The following LRRC7 variants were observed in gnomAD, a reference collection of about 807,000 sequenced individuals.
The protein encoded by LRRC7 is leucine rich repeat containing 7.
In LRRC7, 23 loss-of-function variants were observed where a neutral mutation model predicts 175.7. The observed-to-expected ratio is 0.13, with a 90% CI of 0.09 to 0.19. The LOEUF is 0.19. Among genes scored for constraint, LRRC7 ranks in the 10% least tolerant of loss-of-function variants. LRRC7 has a pLI of 1.00. For missense variants in LRRC7, 1,354 were observed against 1,904.7 expected, an observed-to-expected ratio of 0.71 and a Z score of 5.38; for synonymous variants, 685 against 680.9, an observed-to-expected ratio of 1.01 and a Z score of -0.09.
intron 3 of LRRC7, among the ~76,000 whole-genome samples, chr1:69,772,136 A>G (rs933194428): frequency 6.6e-6 from 1 of 152,136 alleles, no homozygotes; most frequent in African/African-American, 2.4e-5. Flanking sequence ...TAAATAAATA[A>G]GAAAAAAGAA....
At chr1:70,022,986 G>A in intron 16 of LRRC7, 140 bp from the exon 17 acceptor site, 1 of 1,067,394 alleles carries the variant, frequency 9.4e-7, no homozygotes, top group South Asian at 2.7e-5. Context: ...TTTATACATG[G>A]ATTTAAAACT....
intron 1 of LRRC7, among the ~76,000 whole-genome samples, chr1:69,644,774 TA>T (rs1021638452): frequency 1.5e-4 from 23 of 151,560 alleles, no homozygotes; most frequent in East Asian, 5.8e-4. Context: ...TACCAATATA[TA>T]AAAAAAATGC....
chr1:69,893,432 A>G (rs1049027238), intron 7 of LRRC7, among the ~76,000 whole-genome samples: 2 of 152,228 alleles, frequency 1.3e-5, no homozygotes, highest in Non-Finnish European at 2.9e-5. Flanking sequence ...TTTCCCATTC[A>G]ACTAATAAGA....
rs1269408830 is a variant in LRRC7, at chr1:69,923,743, T to G, written c.648-7764T>G. 1.4e-4 allele frequency among the ~76,000 whole-genome samples: 22 copies of G among 152,138 alleles called. 1 individual carries two copies. The highest frequency in any genetic ancestry group is 5.3e-4 in the African/African-American group (22 of 41,496). On this transcript the variant is annotated intron_variant, in intron 7 of 26. Coordinates refer to ENST00000651989, the MANE Select transcript of LRRC7 (RefSeq NM_001370785.2). ...GTAGGTTGCGAAAATTTTCTCCCAT[T>G]TTGTGGGTTGCCTGTTCACTCTGAT...
intron 7 of LRRC7, among the ~76,000 whole-genome samples, chr1:69,882,050 CA>C (rs1686671336): frequency 7.1e-6 from 1 of 140,408 alleles, no homozygotes; most frequent in Non-Finnish European, 1.5e-5. Context: ...ACCCAGTTTA[CA>C]AAATGGAATC....
intron 2 of LRRC7, among the ~76,000 whole-genome samples, chr1:69,752,251 G>T: frequency 6.6e-6 from 1 of 152,064 alleles, no homozygotes; most frequent in African/African-American, 2.4e-5. Flanking sequence ...TATCCCTGTG[G>T]CACACTTAAT....
chr1:69,778,615 G>T (rs1455954041), intron 3 of LRRC7, among the ~76,000 whole-genome samples: 4 of 152,084 alleles, frequency 2.6e-5, no homozygotes, highest in Admixed American at 2.0e-4. Context: ...TGGGTTTTTA[G>T]ATTAGAAATG....
At chr1:69,885,166 G>C (rs565311598) in intron 7 of LRRC7, among the ~76,000 whole-genome samples, 3 of 107,210 alleles carry the variant, frequency 2.8e-5, no homozygotes, top group South Asian at 6.1e-4. Flanking sequence ...TTTTTCTATT[G>C]ATTGGAATAG....
chr1:69,709,148 C>T (rs1218970566), intron 2 of LRRC7, among the ~76,000 whole-genome samples: 1 of 152,148 alleles, frequency 6.6e-6, no homozygotes, highest in Non-Finnish European at 1.5e-5. Flanking sequence ...AAAGAATAGA[C>T]TATGCAGTGG....
chr1:69,972,799 T>C (rs1483285299), intron 8 of LRRC7, among the ~76,000 whole-genome samples: 1 of 151,780 alleles, frequency 6.6e-6, no homozygotes, highest in Non-Finnish European at 1.5e-5. Context: ...AGTCATTATA[T>C]GAAAAAGATA....
chr1:69,716,727 T>C (rs1665392105), intron 2 of LRRC7, among the ~76,000 whole-genome samples: 1 of 151,898 alleles, frequency 6.6e-6, no homozygotes, highest in African/African-American at 2.4e-5. Context: ...TTTGCATTTA[T>C]CAGTATTTCC....
chr1:69,994,780 A>G (rs1442662694), intron 11 of LRRC7, 147 bp downstream of exon 11: 2 of 508,792 alleles, frequency 3.9e-6, no homozygotes, highest in Non-Finnish European at 3.4e-6. Context: ...TTTTATTTAT[A>G]TATATTTGTG....
intron 2 of LRRC7, among the ~76,000 whole-genome samples, chr1:69,679,597 G>T (rs1660217728): frequency 1.3e-5 from 2 of 152,014 alleles, no homozygotes; most frequent in Admixed American, 1.3e-4. Context: ...TGAAACTAAA[G>T]ATAGAGTTCA....
chr1:69,705,014 A>G (rs1234949901), intron 2 of LRRC7, among the ~76,000 whole-genome samples: 2 of 152,082 alleles, frequency 1.3e-5, no homozygotes, highest in Admixed American at 1.3e-4. Context: ...CCATTTATAG[A>G]TTTGTTCCTA....
chr1:69,825,538 T>A (rs1026839558), intron 4 of LRRC7, among the ~76,000 whole-genome samples: 1 of 151,972 alleles, frequency 6.6e-6, no homozygotes, highest in African/African-American at 2.4e-5. Context: ...AAAATATTAT[T>A]TAACATTCAA....
At chr1:70,106,284 C>T (rs762546472) in intron 25 of LRRC7, among the ~76,000 whole-genome samples, 3 of 152,162 alleles carry the variant, frequency 2.0e-5, no homozygotes, top group East Asian at 1.9e-4. Context: ...AAAGAAACTC[C>T]GTACATGTTA....
intron 1 of LRRC7, among the ~76,000 whole-genome samples, chr1:69,583,134 G>C (rs1239363909): frequency 6.6e-6 from 1 of 151,440 alleles, no homozygotes; most frequent in Non-Finnish European, 1.5e-5. Flanking sequence ...TATATTTTAG[G>C]AATGGACATA....
intron 3 of LRRC7, among the ~76,000 whole-genome samples, chr1:69,771,841 C>T (rs141902898): frequency 6.6e-6 from 1 of 152,078 alleles, no homozygotes; most frequent in African/African-American, 2.4e-5. Context: ...AAGCAGGGGT[C>T]CAGGCACGGT....
intron 1 of LRRC7, among the ~76,000 whole-genome samples, chr1:69,592,482 G>A (rs966004423): frequency 1.3e-5 from 2 of 151,944 alleles, no homozygotes; most frequent in African/African-American, 4.8e-5. Context: ...GCTTTAAGTC[G>A]TTACATTAAA....
Sources: allele counts gnomAD v4.1 joint callset (sites outside exome capture counted in the v4.1 genomes callset), GRCh38; gene constraint gnomAD v4.1.1; transcripts MANE v1.5; gene names NCBI Gene and HGNC (gene_info 2026-07-23, HGNC 2026-07-21).